Variants in SCN9A observed in about 807,000 individuals in gnomAD.
The protein encoded by SCN9A is sodium channel protein type 9 subunit alpha.
A neutral mutation model predicts 187.0 loss-of-function variants in SCN9A; 131 were observed. The observed-to-expected ratio is 0.70, with a 90% CI of 0.61 to 0.81. SCN9A has a LOEUF of 0.81. SCN9A is among the 30% of genes least tolerant of loss of function. The probability of loss-of-function intolerance (pLI) is 0.00; values close to 1 mark genes in which losing one functional copy is unlikely to be tolerated. For missense variants in SCN9A, 2,252 were observed against 2,396.6 expected, an observed-to-expected ratio of 0.94 and a Z score of 1.26; for synonymous variants, 809 against 808.6, an observed-to-expected ratio of 1.00 and a Z score of -0.01.
At chr2:166,222,318 T>C (rs974248860) in intron 24 of SCN9A, among the ~76,000 whole-genome samples, 1 of 152,182 alleles carries the variant, frequency 6.6e-6, no homozygotes, top group Non-Finnish European at 1.5e-5. Context: ...TCACTAATCA[T>C]CAGAAAATTC....
intron 18 of SCN9A, 23 bp from the exon 19 acceptor site, chr2:166,242,679 T>G: frequency 6.6e-7 from 1 of 1,517,824 alleles, no homozygotes; most frequent in Non-Finnish European, 8.9e-7. Context: ...ACATGCATGT[T>G]AAATCTTGAT....
chr2:166,284,439 TA>T lies in SCN9A; in HGVS notation c.1974+13del, dbSNP rs779256861. 18 of 1,594,116 alleles carry T rather than the reference TA, an allele frequency of 1.1e-5. No individual in the cohort carries two copies. The South Asian group carries it at 1.9e-4, about 17-fold the overall frequency. Reference sequence around the variant, plus strand: ...AGGGCCCAGCCATGCCTGAGCTATGTAAAACGTCCTTACGCTGTCATCAGAA... The same window carrying T: ...AGGGCCCAGCCATGCCTGAGCTATGTAAACGTCCTTACGCTGTCATCAGAA... On this transcript the variant is annotated intron_variant, in intron 12 of 26. Transcript: ENST00000642356.
In SCN9A at chr2:166,279,952, C is replaced by T. The variant is rs138476727; in HGVS notation, c.2343+405G>A. ...GACTTTGGGACTCTGAGGACCCAAA[C>T]ACTTCACTACTATTATGTCAAAGCA... On this transcript the variant is annotated intron_variant, in intron 14 of 26. Transcript: ENST00000642356. Among the ~76,000 whole-genome samples the T allele has an allele frequency of 6.4e-3, 969 of 152,206 alleles. 11 individuals carry two copies. The highest frequency in any genetic ancestry group is 0.022 in the African/African-American group (930 of 41,544).
chr2:166,317,901 A>G (rs761927300), intron 1 of SCN9A, among the ~76,000 whole-genome samples: 2 of 152,228 alleles, frequency 1.3e-5, no homozygotes, highest in Admixed American at 6.5e-5. Context: ...CCTAGTGAGG[A>G]GATCAAAGCA....
At chr2:166,372,101 TGA>T (rs1553508138) in intron 1 of SCN9A, among the ~76,000 whole-genome samples, 2 of 148,940 alleles carry the variant, frequency 1.3e-5, no homozygotes, top group Admixed American at 6.6e-5. Context: ...TGTGTGTGTG[TGA>T]GTGTGAGTGT....
chr2:166,230,029 C>T (rs1695013873), intron 21 of SCN9A, among the ~76,000 whole-genome samples: 1 of 152,144 alleles, frequency 6.6e-6, no homozygotes, highest in Non-Finnish European at 1.5e-5. Context: ...CTAAGGATCT[C>T]TGACTACTAA....
chr2:166,367,850 A>AT (rs1700455904), intron 1 of SCN9A, among the ~76,000 whole-genome samples: 1 of 152,166 alleles, frequency 6.6e-6, no homozygotes, highest in Non-Finnish European at 1.5e-5. Flanking sequence ...ACTTAACACA[A>AT]TATACCCCTC....
intron 1 of SCN9A, among the ~76,000 whole-genome samples, chr2:166,351,968 T>TA (rs1371043521): frequency 2.6e-5 from 4 of 152,128 alleles, no homozygotes; most frequent in African/African-American, 7.2e-5. Flanking sequence ...TAAGATACAG[T>TA]AAAAAATGTA....
chr2:166,213,485 A>C (rs996495869), intron 24 of SCN9A, among the ~76,000 whole-genome samples: 67 of 147,974 alleles, frequency 4.5e-4, no homozygotes, highest in African/African-American at 1.5e-3. Flanking sequence ...AATAATAATA[A>C]TAATAATAAT....
chr2:166,260,412 T>C (rs1485334912), intron 17 of SCN9A, among the ~76,000 whole-genome samples: 1 of 151,888 alleles, frequency 6.6e-6, no homozygotes. Flanking sequence ...CTCCATACTG[T>C]AAGGTCTGGT....
intron 24 of SCN9A, among the ~76,000 whole-genome samples, chr2:166,212,416 G>T (rs1231954528): frequency 6.6e-6 from 1 of 152,130 alleles, no homozygotes; most frequent in Non-Finnish European, 1.5e-5. Flanking sequence ...TAAGATAAAA[G>T]AGTTAATTCA....
At chr2:166,366,046 C>T (rs575756239) in intron 1 of SCN9A, among the ~76,000 whole-genome samples, 19 of 152,138 alleles carry the variant, frequency 1.2e-4, no homozygotes, top group Non-Finnish European at 2.5e-4. Context: ...GACTCAGCAG[C>T]CGCTTACCAC....
chr2:166,249,929 G>C (rs1391018708), intron 18 of SCN9A, among the ~76,000 whole-genome samples: 1 of 152,020 alleles, frequency 6.6e-6, no homozygotes, highest in Admixed American at 6.6e-5. Context: ...TCTATATACT[G>C]CTAATAAATT....
chr2:166,206,416 G>A (rs6750592), intron 24 of SCN9A, among the ~76,000 whole-genome samples: 4,525 of 152,170 alleles, frequency 0.03, 485 homozygotes, highest in Admixed American at 0.2. Flanking sequence ...TCACAAGGAC[G>A]GAAAACCAAA....
rs774493156 is a variant in SCN9A at position 166,288,590 on chromosome 2, G to A, written c.1161C>T (p.Phe387=). The A allele has an allele frequency of 1.3e-5, 21 of 1,611,518 alleles. No homozygotes were observed. The highest frequency in any genetic ancestry group is 1.7e-5 in the Non-Finnish European group (20 of 1,178,392). ...TYMIFFVVVI[F]LGSFYLINLI... is the part of the protein sequence containing the mutation. ...AGTTTATTAGATAAAAGGAGCCCAG[G>A]AAAATCACTACGACAAAGAAGATCA... The change falls in exon 10 of 27, where the codon TTC becomes TTT. Residue 387 remains phenylalanine, a synonymous_variant. Coordinates refer to ENST00000642356, the MANE Select transcript of SCN9A (RefSeq NM_001365536.1).
chr2:166,212,595 C>A (rs943150724), intron 24 of SCN9A, among the ~76,000 whole-genome samples: 2 of 152,152 alleles, frequency 1.3e-5, no homozygotes, highest in Non-Finnish European at 1.5e-5. Context: ...GATATGGAAT[C>A]TATAAACAAA....
At chr2:166,304,968 C>A (rs1698706795) in intron 5 of SCN9A, among the ~76,000 whole-genome samples, 1 of 152,064 alleles carries the variant, frequency 6.6e-6, no homozygotes, top group Non-Finnish European at 1.5e-5. Context: ...AGGCAGTCTT[C>A]TTTGCACAAT....
intron 2 of SCN9A, among the ~76,000 whole-genome samples, chr2:166,309,406 G>T (rs1698868367): frequency 6.6e-6 from 1 of 152,150 alleles, no homozygotes; most frequent in East Asian, 1.9e-4. Flanking sequence ...ATAAAATTTG[G>T]CAGATCACTG....
chr2:166,333,753 T>C (rs542903509), intron 1 of SCN9A, among the ~76,000 whole-genome samples: 5 of 152,066 alleles, frequency 3.3e-5, no homozygotes, highest in Non-Finnish European at 7.4e-5. Flanking sequence ...TTTGAGTGCA[T>C]ATAATTTCTC....
Sources: allele counts gnomAD v4.1 joint callset (sites outside exome capture counted in the v4.1 genomes callset), GRCh38; gene constraint gnomAD v4.1.1; transcripts MANE v1.5; gene names NCBI Gene and HGNC (gene_info 2026-07-23, HGNC 2026-07-21).